The following FBXL17 variants were observed in gnomAD, a reference collection of about 807,000 sequenced individuals.
The protein encoded by FBXL17 is F-box and leucine rich repeat protein 17, also known as F-box/LRR-repeat protein 17.
Under a neutral mutation model 66.2 loss-of-function variants are expected in FBXL17, and 22 were observed. The observed-to-expected ratio is 0.33, with a 90% confidence interval of 0.24 to 0.47. The LOEUF is 0.47. Ranked by LOEUF, FBXL17 falls within the 20% of genes least tolerant of loss-of-function variation. The pLI, the probability that FBXL17 is intolerant of heterozygous loss-of-function variation, is 1.00. For missense variants in FBXL17, 878 were observed against 948.2 expected (o/e 0.93, Z 0.97); for synonymous variants, 474 against 400.5 (o/e 1.18, Z -2.19).
intron 7 of FBXL17, among the ~76,000 whole-genome samples, chr5:107,963,399 A>G (rs984932549): frequency 1.3e-5 from 2 of 152,302 alleles, no homozygotes; most frequent in Non-Finnish European, 2.9e-5. Context: ...GTCCTATAAA[A>G]TAAATGTACA....
chr5:107,916,700 C>T (rs1026325282), intron 7 of FBXL17, among the ~76,000 whole-genome samples: 12 of 152,092 alleles, frequency 7.9e-5, no homozygotes, highest in Non-Finnish European at 4.4e-5. Flanking sequence ...AATAAGCTGT[C>T]CTACTTCCCA....
At chr5:108,172,888 C>T (rs760997610) in intron 6 of FBXL17, among the ~76,000 whole-genome samples, 1 of 152,144 alleles carries the variant, frequency 6.6e-6, no homozygotes, top group Non-Finnish European at 1.5e-5. Context: ...GCAACCTCCA[C>T]CTCCTGGGTT....
intron 6 of FBXL17, among the ~76,000 whole-genome samples, chr5:108,101,790 T>C (rs2149941652): frequency 6.6e-6 from 1 of 152,368 alleles, no homozygotes; most frequent in African/African-American, 2.4e-5. Flanking sequence ...CTGTGGCTTT[T>C]ATTTTAACTA....
intron 7 of FBXL17, among the ~76,000 whole-genome samples, chr5:107,995,502 TGA>T (rs988188763): frequency 6.6e-6 from 1 of 152,106 alleles, no homozygotes; most frequent in Non-Finnish European, 1.5e-5. Flanking sequence ...AGGACTTATT[TGA>T]GAGAGGACAA....
intron 6 of FBXL17, among the ~76,000 whole-genome samples, chr5:108,045,304 T>C (rs1747210636): frequency 6.6e-6 from 1 of 152,036 alleles, no homozygotes; most frequent in African/African-American, 2.4e-5. Context: ...TAGCTGGGCA[T>C]GGTGGTGCGC....
intron 6 of FBXL17, among the ~76,000 whole-genome samples, chr5:108,163,477 T>C (rs1002270465): frequency 1.4e-5 from 2 of 146,876 alleles, no homozygotes; most frequent in African/African-American, 5.1e-5. Context: ...CTCGGCTCAC[T>C]GCAAGCTCCG....
In FBXL17 at chr5:107,881,194, G is replaced by A. The variant is rs1341097045; in HGVS notation, c.1823-15C>T. On this transcript the variant is annotated splice_polypyrimidine_tract_variant and intron_variant, in intron 7 of 8. Transcript: ENST00000542267. ...GGCTATCAGTGCTGCAAGAAGGGAC[G>A]CAGAGAAAGCATTAATGTTAGCAGT... The A allele has an allele frequency of 1.4e-5, 21 of 1,500,682 alleles. No individual in the cohort carries two copies. Among genetic ancestry groups the A allele is most frequent in the Admixed American group, 5.3e-5 (3 of 56,542 alleles). 93.0% of individuals were successfully genotyped at this position (1,500,682 alleles called of 1,614,324 possible). A position where few individuals can be genotyped will look rare whatever the true frequency, so the allele number is the denominator to read the frequency against.
At chr5:108,213,804 T>C (rs1181041494) in intron 5 of FBXL17, among the ~76,000 whole-genome samples, 1 of 152,266 alleles carries the variant, frequency 6.6e-6, no homozygotes, top group South Asian at 2.1e-4. Flanking sequence ...GGTGGTATTT[T>C]AATATAGTTT....
chr5:107,914,570 C>T (rs1417699789), intron 7 of FBXL17, among the ~76,000 whole-genome samples: 2 of 152,184 alleles, frequency 1.3e-5, no homozygotes, highest in South Asian at 4.1e-4. Context: ...CCTTGATTGG[C>T]TAAAGCACAC....
intron 5 of FBXL17, among the ~76,000 whole-genome samples, chr5:108,196,437 C>T (rs898148878): frequency 1.3e-5 from 2 of 152,130 alleles, no homozygotes; most frequent in African/African-American, 4.8e-5. Context: ...CACTCTTTCA[C>T]CATGTTGTTA....
At chr5:107,879,282 G>A (rs1748705812) in intron 8 of FBXL17, 1 of 985,320 alleles carries the variant, frequency 1.0e-6, no homozygotes, top group South Asian at 4.7e-5. Context: ...CATTCATGTG[G>A]CAGTTCCTTC....
At chr5:108,270,217 T>C (rs1425553307) in intron 4 of FBXL17, among the ~76,000 whole-genome samples, 1 of 151,912 alleles carries the variant, frequency 6.6e-6, no homozygotes, top group Non-Finnish European at 1.5e-5. Context: ...AAACTCTTAA[T>C]GGAAAAGGAG....
At chr5:108,347,539 C>T (rs1423282906) in intron 4 of FBXL17, among the ~76,000 whole-genome samples, 6 of 152,112 alleles carry the variant, frequency 3.9e-5, no homozygotes, top group Non-Finnish European at 7.4e-5. Context: ...ATGATAAACA[C>T]GAATGAGCCT....
intron 6 of FBXL17, among the ~76,000 whole-genome samples, chr5:108,053,560 G>A (rs1202050342): frequency 2.0e-5 from 3 of 152,082 alleles, no homozygotes; most frequent in Non-Finnish European, 1.5e-5. Flanking sequence ...AAACCACAAT[G>A]AGATACCATC....
intron 7 of FBXL17, among the ~76,000 whole-genome samples, chr5:107,977,553 T>C (rs960119181): frequency 6.6e-6 from 1 of 152,222 alleles, no homozygotes; most frequent in Non-Finnish European, 1.5e-5. Context: ...GGGCTGTTTA[T>C]TATTGTTGCT....
chr5:108,306,982 T>C (rs947022449), intron 4 of FBXL17, among the ~76,000 whole-genome samples: 2 of 152,070 alleles, frequency 1.3e-5, no homozygotes, highest in African/African-American at 4.8e-5. Context: ...ACACTTCCTC[T>C]CTTTTTTATG....
chr5:108,226,030 T>C (rs1306573342), intron 4 of FBXL17, among the ~76,000 whole-genome samples: 5 of 152,194 alleles, frequency 3.3e-5, no homozygotes, highest in Non-Finnish European at 7.3e-5. Context: ...TGATCAAAAC[T>C]AATTGCATGG....
chr5:107,896,537 T>A (rs1270746461), intron 7 of FBXL17, among the ~76,000 whole-genome samples: 20 of 152,182 alleles, frequency 1.3e-4, no homozygotes, highest in Non-Finnish European at 2.9e-5. Context: ...AAATTGCACA[T>A]CATAGTAAAA....
At chr5:108,045,468 A>C (rs1747219763) in intron 6 of FBXL17, among the ~76,000 whole-genome samples, 1 of 72,776 alleles carries the variant, frequency 1.4e-5, no homozygotes, top group South Asian at 5.4e-4. Context: ...TAATAACAAT[A>C]ATAATTTCTT....
Sources: allele counts gnomAD v4.1 joint callset (sites outside exome capture counted in the v4.1 genomes callset), GRCh38; gene constraint gnomAD v4.1.1; transcripts MANE v1.5; gene names NCBI Gene and HGNC (gene_info 2026-07-23, HGNC 2026-07-21).